The following PHACTR2 variants were observed in gnomAD, a reference collection of about 807,000 sequenced individuals.
The protein encoded by PHACTR2 is phosphatase and actin regulator 2.
A neutral mutation model predicts 76.0 loss-of-function variants in PHACTR2; 30 were observed. The observed-to-expected ratio is 0.39, with a 90% CI of 0.30 to 0.54. The LOEUF is 0.54. Among genes scored for constraint, PHACTR2 ranks in the 20% least tolerant of loss-of-function variants. The probability of loss-of-function intolerance (pLI) is 0.61; values close to 1 mark genes in which losing one functional copy is unlikely to be tolerated. For synonymous variants in PHACTR2, 292 were observed against 292.5 expected (o/e 1.00, Z 0.02); for missense variants, 696 against 781.1 (o/e 0.89, Z 1.30).
rs1778894621 is a variant in PHACTR2, at chr6:143,739,478, G to T, written c.215-9507G>T. On this transcript the variant is annotated intron_variant, in intron 2 of 12. Coordinates refer to ENST00000440869, the MANE Select transcript of PHACTR2 (RefSeq NM_001100164.2). This position sits in a 1 kb window ranked among gnomAD's most constrained non-coding sequence, Gnocchi z 4.3. Reference sequence around the variant, plus strand: ...TATTTCAAACATTGGTCCCCTCTGTGGTGTCACTGTGTCTTAGGTTTACCA... The same window carrying T: ...TATTTCAAACATTGGTCCCCTCTGTTGTGTCACTGTGTCTTAGGTTTACCA... Among the ~76,000 whole-genome samples the T allele has an allele frequency of 1.3e-5, 2 of 152,126 alleles. No individual in the cohort carries two copies. The highest frequency in any genetic ancestry group is 4.8e-5 in the African/African-American group (2 of 41,404).
intron 1 of PHACTR2, among the ~76,000 whole-genome samples, chr6:143,587,753 C>T (rs1775644684): frequency 6.6e-6 from 1 of 152,114 alleles, no homozygotes; most frequent in African/African-American, 2.4e-5. Context: ...GTGGCTCATA[C>T]CTGTAATCCC....
In PHACTR2 at chr6:143,801,651, T is replaced by G. The variant is rs1562312896; in HGVS notation, c.1846-5406T>G. 6.6e-6 allele frequency among the ~76,000 whole-genome samples: 1 copy of G among 152,188 alleles called. No homozygotes were observed. The highest frequency in any genetic ancestry group is 1.5e-5 in the Non-Finnish European group (1 of 68,026). On this transcript the variant is annotated intron_variant, in intron 11 of 12. Coordinates refer to ENST00000440869, the MANE Select transcript of PHACTR2 (RefSeq NM_001100164.2). This position sits in a 1 kb window ranked among gnomAD's most constrained non-coding sequence, Gnocchi z 4.6. ...CTTGAAATGGATTAGATCATGCTCC[T>G]TTAGCTCGGAGAAGTTTGTTATTAC...
At position 143,697,852 on chromosome 6, in the gene PHACTR2, C is replaced by T. The variant is rs1057114890; in HGVS notation, c.47-14164C>T. Reference sequence around the variant, plus strand: ...TGGCCTAAGTACAGTATAGGGGCACCACCAGGAATAAAATCAACTTGCTCC... The same window carrying T: ...TGGCCTAAGTACAGTATAGGGGCACTACCAGGAATAAAATCAACTTGCTCC... On this transcript the variant is annotated intron_variant, in intron 1 of 12. Transcript: ENST00000440869. The surrounding 1 kb of genome is among the most constrained non-coding windows in gnomAD (Gnocchi z 4.4). Among the ~76,000 whole-genome samples the T allele has an allele frequency of 6.6e-6, 1 of 152,160 alleles. No individual in the cohort carries two copies. The highest frequency in any genetic ancestry group is 1.5e-5 in the Non-Finnish European group (1 of 68,036).
At chr6:143,686,737 G>A (rs762434895) in intron 1 of PHACTR2, among the ~76,000 whole-genome samples, 32 of 151,834 alleles carry the variant, frequency 2.1e-4, no homozygotes, top group Non-Finnish European at 3.5e-4. Context: ...CACCTGCCTC[G>A]GCCTCCCAAA....
At position 143,618,049 on chromosome 6, in the gene PHACTR2, T is replaced by G. The variant is rs1776084730; in HGVS notation, c.13+9727T>G. 6.6e-6 allele frequency among the ~76,000 whole-genome samples: 1 copy of G among 152,194 alleles called. No homozygotes were observed. The highest frequency in any genetic ancestry group is 2.1e-4 in the South Asian group (1 of 4,822). On this transcript the variant is annotated intron_variant, in intron 1 of 11. Transcript: ENST00000305766. The surrounding 1 kb of genome is among the most constrained non-coding windows in gnomAD (Gnocchi z 5.2). Reference sequence around the variant, plus strand: ...ATGTTAAACATCTCTTGTCAAATTCTGTATAATAGAAGAGGTACATTATTA... The same window carrying G: ...ATGTTAAACATCTCTTGTCAAATTCGGTATAATAGAAGAGGTACATTATTA...
At chr6:143,734,670 T>C (rs1049179684) in intron 2 of PHACTR2, among the ~76,000 whole-genome samples, 2 of 152,204 alleles carry the variant, frequency 1.3e-5, no homozygotes, top group East Asian at 3.9e-4. Context: ...ATTTGATTGC[T>C]AAGGGGGATG....
rs563772024 is a variant in PHACTR2, at chr6:143,672,650, G to A, written c.14-39366G>A. 6.6e-6 allele frequency among the ~76,000 whole-genome samples: 1 copy of A among 152,274 alleles called. No homozygotes were observed. Among genetic ancestry groups the A allele is most frequent in the East Asian group, 1.9e-4 (1 of 5,188 alleles). On this transcript the variant is annotated intron_variant, in intron 1 of 11. Coordinates refer to the PHACTR2 transcript ENST00000305766. The surrounding 1 kb of genome is among the most constrained non-coding windows in gnomAD (Gnocchi z 5.8). ...ATTTAGTAATTTGCTAAAGTTCAGA[G>A]CCTTCTCTGTACTAACCTACTGGGC...
Position 143,820,079 on chromosome 6 carries a change from T to G in PHACTR2, c.1923-3595T>G, listed in dbSNP as rs576468948. Among the ~76,000 whole-genome samples, 7 of 151,876 alleles carry G rather than the reference T, an allele frequency of 4.6e-5. No homozygotes were observed. In the South Asian group the frequency reaches 1.3e-3, roughly 27 times the overall value. ...CTTTTAAACCAGACCTCGTGAGAAG[T>G]CACTCACCATCACAAAGACAGTACC... On this transcript the variant is annotated intron_variant, in intron 12 of 12. Transcript: ENST00000440869. This position sits in a 1 kb window ranked among gnomAD's most constrained non-coding sequence, Gnocchi z 4.2.
Position 143,816,235 on chromosome 6 carries a change from A to G in PHACTR2, c.1923-7439A>G, listed in dbSNP as rs1284952973. On this transcript the variant is annotated intron_variant, in intron 12 of 12. Coordinates refer to ENST00000440869, the MANE Select transcript of PHACTR2 (RefSeq NM_001100164.2). The surrounding 1 kb of genome is among the most constrained non-coding windows in gnomAD (Gnocchi z 4.5). The stretch of plus-strand genomic sequence containing the variant: ...AACTGTCATGCTGTCACATAGACAA[A>G]CTTCTCAAGACGTAAAGCTGAACTT... 6.6e-6 allele frequency among the ~76,000 whole-genome samples: 1 copy of G among 152,186 alleles called. No homozygotes were observed. The highest frequency in any genetic ancestry group is 1.5e-5 in the Non-Finnish European group (1 of 68,034).
Position 143,742,061 on chromosome 6 carries a change from C to T in PHACTR2, c.215-6924C>T, listed in dbSNP as rs748395446. On this transcript the variant is annotated intron_variant, in intron 2 of 12. Transcript: ENST00000440869. The surrounding 1 kb of genome is among the most constrained non-coding windows in gnomAD (Gnocchi z 4.5). ...TGGAGGTTGCAGTGAGCTGGGATCGCGCCACTGCACTGCAGCCTGGGTGAC... is the reference window on the plus strand; with the variant it reads ...TGGAGGTTGCAGTGAGCTGGGATCGTGCCACTGCACTGCAGCCTGGGTGAC... Among the ~76,000 whole-genome samples the T allele has an allele frequency of 9.2e-5, 14 of 151,646 alleles. No homozygotes were observed. The highest frequency in any genetic ancestry group is 2.9e-4 in the African/African-American group (12 of 41,254).
intron 2 of PHACTR2, among the ~76,000 whole-genome samples, chr6:143,718,884 T>TG (rs920912717): frequency 3.4e-5 from 5 of 145,950 alleles, no homozygotes; most frequent in African/African-American, 1.0e-4. Flanking sequence ...TGTTTTTTTT[T>TG]TTTTTTTTTT....
Position 143,625,919 on chromosome 6 carries a change from C to T in PHACTR2, c.13+17597C>T, listed in dbSNP as rs1776250375. On this transcript the variant is annotated intron_variant, in intron 1 of 11. Transcript: ENST00000305766. This position sits in a 1 kb window ranked among gnomAD's most constrained non-coding sequence, Gnocchi z 4.3. Reference sequence around the variant, plus strand: ...TGGTGGGGCAGGGACAACTGAAGAGCTCTTTTAGGTAAGGTGAGTTTCTTT... The same window carrying T: ...TGGTGGGGCAGGGACAACTGAAGAGTTCTTTTAGGTAAGGTGAGTTTCTTT... 6.6e-6 allele frequency among the ~76,000 whole-genome samples: 1 copy of T among 152,132 alleles called. No individual in the cohort carries two copies. The highest frequency in any genetic ancestry group is 1.5e-5 in the Non-Finnish European group (1 of 68,018).
chr6:143,677,221 C>A, upstream of PHACTR2, among the ~76,000 whole-genome samples: 4 of 152,072 alleles, frequency 2.6e-5, no homozygotes, highest in South Asian at 8.3e-4. Context: ...TATATACACA[C>A]ATTATATATA....
At chr6:143,682,439 T>C (rs1029608641) in intron 1 of PHACTR2, among the ~76,000 whole-genome samples, 1 of 152,066 alleles carries the variant, frequency 6.6e-6, no homozygotes, top group African/African-American at 2.4e-5. Flanking sequence ...GGTCTCAAAT[T>C]CGAGATCTCA....
In PHACTR2 at chr6:143,742,144, GATT is replaced by G. The variant is rs1269013470; in HGVS notation, c.215-6839_215-6837del. Among the ~76,000 whole-genome samples, 2 of 150,194 alleles carry G rather than the reference GATT, an allele frequency of 1.3e-5. No homozygotes were observed. The highest frequency in any genetic ancestry group is 3.0e-5 in the Non-Finnish European group (2 of 67,716). On this transcript the variant is annotated intron_variant, in intron 2 of 12. Coordinates refer to ENST00000440869, the MANE Select transcript of PHACTR2 (RefSeq NM_001100164.2). The surrounding 1 kb of genome is among the most constrained non-coding windows in gnomAD (Gnocchi z 4.5). ...AACAACATTTATTTGATACTTTTTT[GATT>G]AGTCAGGGCTCTTCACTGCTGATGA...
intron 1 of PHACTR2, among the ~76,000 whole-genome samples, chr6:143,552,083 C>G (rs948082003): frequency 7.2e-5 from 11 of 152,164 alleles, no homozygotes; most frequent in Admixed American, 3.3e-4. Flanking sequence ...CTTTTGTAAT[C>G]TCAATGGTGC....
intron 1 of PHACTR2, among the ~76,000 whole-genome samples, chr6:143,613,498 G>A (rs1190560079): frequency 6.6e-6 from 1 of 152,192 alleles, no homozygotes; most frequent in Non-Finnish European, 1.5e-5. Flanking sequence ...CCTCCTGCGA[G>A]TAAACTGACA....
rs147968160 is a variant in PHACTR2, at chr6:143,627,704, C to T, written c.13+19382C>T. ...GCAACCTCCGCCTCCCAGGTTCAAG[C>T]GATTCTCCTGCCTCAGCCTCTCTAG... On this transcript the variant is annotated intron_variant, in intron 1 of 11. Transcript: ENST00000305766. The surrounding 1 kb of genome is among the most constrained non-coding windows in gnomAD (Gnocchi z 4.3). Among the ~76,000 whole-genome samples the T allele has an allele frequency of 2.6e-5, 4 of 151,602 alleles. No homozygotes were observed. Among genetic ancestry groups the T allele is most frequent in the East Asian group, 1.9e-4 (1 of 5,152 alleles).
intron 1 of PHACTR2, among the ~76,000 whole-genome samples, chr6:143,660,046 A>G (rs1776919788): frequency 6.6e-6 from 1 of 152,200 alleles, no homozygotes; most frequent in African/African-American, 2.4e-5. Flanking sequence ...TTACTGCATT[A>G]AAAAACTTAA....
Sources: allele counts gnomAD v4.1 joint callset (sites outside exome capture counted in the v4.1 genomes callset), GRCh38; gene constraint gnomAD v4.1.1; non-coding constraint Gnocchi (gnomAD v3.1); transcripts MANE v1.5; gene names NCBI Gene and HGNC (gene_info 2026-07-23, HGNC 2026-07-21).